The following HDAC9 variants were observed in gnomAD, a reference collection of about 807,000 sequenced individuals.
HDAC9 encodes histone deacetylase 9, also known as MEF-2 interacting transcription repressor (MITR) protein.
Under a neutral mutation model 139.4 loss-of-function variants are expected in HDAC9, and 41 were observed. The observed-to-expected ratio is 0.29, with a 90% confidence interval of 0.23 to 0.38. The LOEUF is 0.38. Among genes scored for constraint, HDAC9 ranks in the 10% least tolerant of loss-of-function variants. The pLI, the probability that HDAC9 is intolerant of heterozygous loss-of-function variation, is 1.00. For missense variants in HDAC9, 1,147 were observed against 1,297.0 expected (o/e 0.88, Z 1.78); for synonymous variants, 517 against 476.2 (o/e 1.09, Z -1.12).
At chr7:18,763,846 A>G (rs899914710) in intron 15 of HDAC9, among the ~76,000 whole-genome samples, 2 of 152,172 alleles carry the variant, frequency 1.3e-5, no homozygotes, top group Non-Finnish European at 2.9e-5. Flanking sequence ...CTCTGGTCCT[A>G]AAGTATAAAT....
rs117459564 is a variant in HDAC9 at position 18,794,129 on chromosome 7, G to C, written c.2322+677G>C. Among the ~76,000 whole-genome samples, 95 of 152,280 alleles carry C rather than the reference G, an allele frequency of 6.2e-4. 1 individual carries two copies. In the East Asian group the frequency reaches 0.016, roughly 25 times the overall value. On this transcript the variant is annotated intron_variant, in intron 17 of 25. Coordinates refer to ENST00000686413, the MANE Select transcript of HDAC9 (RefSeq NM_178425.4). Reference sequence around the variant, plus strand: ...GGTATTTTAACAGTGCTATTTAAAGGTACGCCATGTGCGTCTTGAATGCAG... The same window carrying C: ...GGTATTTTAACAGTGCTATTTAAAGCTACGCCATGTGCGTCTTGAATGCAG...
At chr7:18,410,423 C>T (rs1788435525) in intron 1 of HDAC9, among the ~76,000 whole-genome samples, 1 of 152,018 alleles carries the variant, frequency 6.6e-6, no homozygotes, top group African/African-American at 2.4e-5. Flanking sequence ...ATTTTGTCTC[C>T]CAAATTGGTT....
chr7:18,464,497 T>G (rs1390886842), intron 1 of HDAC9, among the ~76,000 whole-genome samples: 2 of 152,046 alleles, frequency 1.3e-5, no homozygotes, highest in African/African-American at 4.8e-5. Flanking sequence ...GTCATCTTGA[T>G]TTTTGTCAGA....
chr7:18,376,415 A>G (rs937482936), intron 1 of HDAC9, among the ~76,000 whole-genome samples: 3 of 152,230 alleles, frequency 2.0e-5, no homozygotes, highest in Admixed American at 6.5e-5. Context: ...GAATGAGTAC[A>G]TACTTCCTCA....
intron 12 of HDAC9, among the ~76,000 whole-genome samples, chr7:18,718,956 A>G (rs1784920298): frequency 6.6e-6 from 1 of 152,218 alleles, no homozygotes; most frequent in African/African-American, 2.4e-5. Context: ...TATTTATAAT[A>G]AACATTCTAA....
chr7:18,560,827 G>T (rs1820346681), intron 2 of HDAC9, among the ~76,000 whole-genome samples: 1 of 152,088 alleles, frequency 6.6e-6, no homozygotes, highest in Non-Finnish European at 1.5e-5. Context: ...GCATTAGCTT[G>T]GTAGAGAGAG....
chr7:18,203,400 G>C (rs374549457), intron 2 of HDAC9, among the ~76,000 whole-genome samples: 2 of 152,228 alleles, frequency 1.3e-5, no homozygotes, highest in East Asian at 1.9e-4. Context: ...CCCATTAGAG[G>C]GGAAGTATTG....
chr7:18,101,413 A>G (rs532433950), intron 1 of HDAC9, among the ~76,000 whole-genome samples: 1 of 152,292 alleles, frequency 6.6e-6, no homozygotes, highest in Non-Finnish European at 1.5e-5. Flanking sequence ...AGTGTCTTGA[A>G]AACTATTGCT....
At chr7:18,919,665 A>G (rs1273703246) in intron 22 of HDAC9, among the ~76,000 whole-genome samples, 1 of 152,014 alleles carries the variant, frequency 6.6e-6, no homozygotes, top group Non-Finnish European at 1.5e-5. Context: ...AAAGACCAGG[A>G]TGAAATTCCA....
At chr7:18,918,005 T>G (rs1288858897) in intron 22 of HDAC9, among the ~76,000 whole-genome samples, 2 of 152,078 alleles carry the variant, frequency 1.3e-5, no homozygotes, top group African/African-American at 4.8e-5. Context: ...CAATCTTGAT[T>G]ACCTATTGGC....
At position 19,000,640 on chromosome 7, in the gene HDAC9, T is replaced by C. The variant is rs931895855; in HGVS notation, c.*4578T>C. On this transcript the variant is annotated 3_prime_UTR_variant, in exon 26 of 26. Transcript: ENST00000686413. The stretch of plus-strand genomic sequence containing the variant: ...AGACAATGAAACCTTAGACTTTTGA[T>C]TGGGGCTGTTTGGACTTGATCCAAT... 2 of 152,208 alleles carry C rather than the reference T, an allele frequency of 1.3e-5. No individual in the cohort carries two copies. Among genetic ancestry groups the C allele is most frequent in the African/African-American group, 4.8e-5 (2 of 41,456 alleles). 9.4% of individuals were successfully genotyped at this position (152,208 alleles called of 1,614,324 possible).
At chr7:18,151,365 A>G (rs900324118) in intron 1 of HDAC9, among the ~76,000 whole-genome samples, 1 of 152,192 alleles carries the variant, frequency 6.6e-6, no homozygotes, top group Admixed American at 6.5e-5. Flanking sequence ...ATGGAGTTGC[A>G]GATACTTTTG....
At chr7:18,313,973 A>T (rs1174969816) in intron 1 of HDAC9, among the ~76,000 whole-genome samples, 1 of 152,186 alleles carries the variant, frequency 6.6e-6, no homozygotes, top group Non-Finnish European at 1.5e-5. Context: ...TAATTTGGTT[A>T]TACATAAAAT....
intron 22 of HDAC9, chr7:18,899,377 T>A (rs756086088): frequency 1.3e-5 from 2 of 151,974 alleles, no homozygotes; most frequent in Non-Finnish European, 2.9e-5. Flanking sequence ...AACATGAACT[T>A]GATGTCTTCT....
At chr7:18,818,431 A>G (rs1318441617) in intron 17 of HDAC9, among the ~76,000 whole-genome samples, 1 of 152,204 alleles carries the variant, frequency 6.6e-6, no homozygotes, top group East Asian at 1.9e-4. Context: ...ATAAAACTTA[A>G]GTAAAAATCT....
intron 21 of HDAC9, among the ~76,000 whole-genome samples, chr7:18,860,353 C>T (rs1208435455): frequency 6.6e-6 from 1 of 152,050 alleles, no homozygotes; most frequent in Non-Finnish European, 1.5e-5. Flanking sequence ...ATTTTACTGT[C>T]ATTTGTGTTC....
intron 2 of HDAC9, among the ~76,000 whole-genome samples, chr7:18,256,127 C>T (rs1795228106): frequency 6.6e-6 from 1 of 152,078 alleles, no homozygotes; most frequent in African/African-American, 2.4e-5. Flanking sequence ...TTTTAGGTTT[C>T]CACTTCCTAT....
chr7:18,091,117 T>C (rs914462174), intron 1 of HDAC9, among the ~76,000 whole-genome samples: 6 of 152,200 alleles, frequency 3.9e-5, no homozygotes, highest in Admixed American at 6.5e-5. Flanking sequence ...TACCAAGAGC[T>C]CTCCATTAAG....
intron 21 of HDAC9, among the ~76,000 whole-genome samples, chr7:18,839,162 C>T (rs188148764): frequency 3.9e-4 from 59 of 151,946 alleles, no homozygotes; most frequent in Admixed American, 2.3e-3. Flanking sequence ...AATATATTTC[C>T]GAGGTTACCA....
Sources: allele counts gnomAD v4.1 joint callset (sites outside exome capture counted in the v4.1 genomes callset), GRCh38; gene constraint gnomAD v4.1.1; transcripts MANE v1.5; gene names NCBI Gene and HGNC (gene_info 2026-07-23, HGNC 2026-07-21).